TBRG4: variants seen among roughly 807,000 people sequenced by gnomAD.
The protein encoded by TBRG4 is transforming growth factor beta regulator 4, also known as FAST kinase domain-containing protein 4.
A neutral mutation model predicts 65.6 loss-of-function variants in TBRG4; 43 were observed. That is an observed-to-expected ratio of 0.66 (90% CI 0.51 to 0.85). The LOEUF (loss-of-function observed/expected upper bound fraction) is 0.85, where lower values mean the gene tolerates loss of function less well. Among genes scored for constraint, TBRG4 ranks in the 40% least tolerant of loss-of-function variants. The pLI, the probability that TBRG4 is intolerant of heterozygous loss-of-function variation, is 0.00. For missense variants in TBRG4, 709 were observed against 787.9 expected (o/e 0.90, Z 1.20); for synonymous variants, 366 against 341.4 (o/e 1.07, Z -0.79).
chr7:45,102,212 A>G (rs1446711322), intron 7 of TBRG4, 135 bp downstream of exon 7: 1 of 1,537,264 alleles, frequency 6.5e-7, no homozygotes. Context: ...TCTGCTGGCC[A>G]CCTACAGGGA....
chr7:45,106,729 T>G (rs1784969505), intron 2 of TBRG4: 1 of 152,264 alleles, frequency 6.6e-6, no homozygotes, highest in African/African-American at 2.4e-5. Context: ...TGAGCTGAGA[T>G]TGTGCCACTG....
chr7:45,104,432 G>C (rs772838348), intron 4 of TBRG4, 106 bp downstream of exon 4: 26 of 1,587,214 alleles, frequency 1.6e-5, no homozygotes, highest in Non-Finnish European at 2.0e-5. Context: ...GCAGCCTTCT[G>C]GGCCAGTGCC....
In TBRG4 at chr7:45,101,991, C is replaced by T. The variant is rs1784779091; in HGVS notation, c.1401G>A (p.Glu467=). Residue 467 remains glutamate, a synonymous_variant, in exon 8 of 11, where the codon GAG becomes GAA. Coordinates refer to ENST00000258770, the MANE Select transcript of TBRG4 (RefSeq NM_004749.4). ...AGGCAGGCAGAAGGGGACCCGAGTA[C>T]TCGGGGTACTCCAGCAGGGCAGTGG... is the stretch of plus-strand genomic sequence containing the variant. ...INATALLEYP[E]YSGPLLPASA... is the part of the protein sequence containing the mutation. The T allele has an allele frequency of 3.2e-6, 5 of 1,577,182 alleles. No homozygotes were observed. The highest frequency in any genetic ancestry group is 4.3e-6 in the Non-Finnish European group (5 of 1,164,352).
At chr7:45,108,004 G>C (rs1785013325) in intron 2 of TBRG4, among the ~76,000 whole-genome samples, 2 of 152,132 alleles carry the variant, frequency 1.3e-5, no homozygotes. Flanking sequence ...ATGAATTCTG[G>C]TATTTTTTAT....
intron 8 of TBRG4, 84 bp from the exon 9 acceptor site, chr7:45,101,698 T>C: frequency 2.5e-6 from 4 of 1,596,502 alleles, no homozygotes; most frequent in Middle Eastern, 2.2e-4. Flanking sequence ...AAGATGGGAC[T>C]GTGGGGAGCC....
chr7:45,100,522 C>T, intron 10 of TBRG4, 96 bp from the exon 11 acceptor site: 2 of 919,588 alleles, frequency 2.2e-6, no homozygotes. Flanking sequence ...ATTGACCCCT[C>T]ACCCAACACC....
Position 45,101,195 on chromosome 7 carries a change from C to G in TBRG4, c.1794+63G>C, listed in dbSNP as rs554196117. On this transcript the variant is annotated intron_variant, in intron 10 of 10. Coordinates refer to ENST00000258770, the MANE Select transcript of TBRG4 (RefSeq NM_004749.4). The stretch of plus-strand genomic sequence containing the variant: ...CCTGCTGGCTCAGTTCCACCTGATC[C>G]CCTCTCTAGCGTGGGTTGGGGATTC... 17 of 1,513,796 alleles carry G rather than the reference C, an allele frequency of 1.1e-5. No homozygotes were observed. In the African/African-American group the frequency reaches 1.9e-4, roughly 17 times the overall value. The allele number at this position is 1,513,796 out of a possible 1,614,324, so 93.8% of individuals were successfully genotyped here. A position where few individuals can be genotyped will look rare whatever the true frequency, so the allele number is the denominator to read the frequency against.
chr7:45,104,449 G>T, intron 4 of TBRG4, 89 bp downstream of exon 4: 1 of 1,596,272 alleles, frequency 6.3e-7, no homozygotes, highest in East Asian at 2.2e-5. Flanking sequence ...TGCCTACCAT[G>T]CATAGGACAG....
Position 45,102,503 on chromosome 7 carries a change from T to G in TBRG4, c.1177-12A>C, listed in dbSNP as rs111380755. Reference sequence around the variant, plus strand: ...AGCTTCTCATGTACCTGGGCAAGGATAGAGTGTGGTGGAGAAAGCAGGCTC... The same window carrying G: ...AGCTTCTCATGTACCTGGGCAAGGAGAGAGTGTGGTGGAGAAAGCAGGCTC... On this transcript the variant is annotated splice_polypyrimidine_tract_variant and intron_variant, in intron 6 of 10. Transcript: ENST00000258770. 1.9e-6 allele frequency: 3 copies of G among 1,606,070 alleles called. No homozygotes were observed. The South Asian group carries it at 3.3e-5, about 18-fold the overall frequency.
Position 45,110,538 on chromosome 7 carries a change from G to C in TBRG4, c.-51+1105C>G, listed in dbSNP as rs550293248. On this transcript the variant is annotated intron_variant, in intron 1 of 10. Transcript: ENST00000258770. ...AAAAATTAGCCGGGCGTGGTGGCGG[G>C]CACCTGTAGTCCCAGCTACTAGGGA... Among the ~76,000 whole-genome samples, 116 of 151,876 alleles carry C rather than the reference G, an allele frequency of 7.6e-4. 2 individuals are homozygous for C. In the South Asian group the frequency reaches 0.024, roughly 31 times the overall value.
chr7:45,101,249 G>A lies in TBRG4; in HGVS notation c.1794+9C>T. 1 of 1,611,234 alleles carries A rather than the reference G, an allele frequency of 6.2e-7. No individual in the cohort carries two copies. Among genetic ancestry groups the A allele is most frequent in the Non-Finnish European group, 8.5e-7 (1 of 1,178,318 alleles). On this transcript the variant is annotated intron_variant, in intron 10 of 10. Coordinates refer to ENST00000258770, the MANE Select transcript of TBRG4 (RefSeq NM_004749.4). The stretch of plus-strand genomic sequence containing the variant: ...CTGTGCAGTGACCACCTGCCCAAGA[G>A]GTACTCACGTCCACTATCAGGAAGC...
rs139677075 is a variant in TBRG4, at chr7:45,105,020, G to T, written c.736-311C>A. The T allele has an allele frequency of 1.1e-3, 834 of 726,088 alleles. 10 individuals are homozygous for T. The East Asian group carries it at 0.019, about 17-fold the overall frequency. The allele number at this position is 726,088 out of a possible 1,614,324, so 45.0% of individuals were successfully genotyped here. On this transcript the variant is annotated intron_variant, in intron 3 of 10. Transcript: ENST00000258770. ...CCAGCCCCCGCTATGACAGAAACGG[G>T]CACTGAATTTGACTTGACTGCAGGG...
chr7:45,106,870 C>G (rs938879920), intron 2 of TBRG4: 4 of 152,248 alleles, frequency 2.6e-5, no homozygotes, highest in African/African-American at 9.6e-5. Context: ...TCTAACAAAC[C>G]AATCTCGCAG....
chr7:45,105,772 G>A lies in TBRG4; in HGVS notation c.412-8C>T, dbSNP rs1403601251. The A allele has an allele frequency of 1.3e-6, 2 of 1,596,714 alleles. No individual in the cohort carries two copies. Among genetic ancestry groups the A allele is most frequent in the Non-Finnish European group, 8.5e-7 (1 of 1,169,644 alleles). Reference sequence around the variant, plus strand: ...ATGCCAGACCGAGGCAATCTAGGCAGAGAAAGGACACAGGAGAAATGATGT... The same window carrying A: ...ATGCCAGACCGAGGCAATCTAGGCAAAGAAAGGACACAGGAGAAATGATGT... On this transcript the variant is annotated splice_polypyrimidine_tract_variant and splice_region_variant and intron_variant, in intron 2 of 10. Coordinates refer to ENST00000258770, the MANE Select transcript of TBRG4 (RefSeq NM_004749.4).
Position 45,104,226 on chromosome 7 carries a change from G to A in TBRG4, c.938C>T (p.Ser313Phe), listed in dbSNP as rs1584028437. The A allele has an allele frequency of 1.9e-6, 3 of 1,614,118 alleles. No homozygotes were observed. The East Asian group carries it at 6.7e-5, about 36-fold the overall frequency. ...TAGCAGGTCGGTGGCCAGGCGCTGG[G>A]ACACCTGGGTCTGGTGAAAGCTGAG... ...GKLSFHQTQV[S>F]QRLATDLLSL... Residue 313 changes from serine (S) to phenylalanine (F), a missense_variant, in exon 5 of 11, where the codon TCC (serine) becomes TTC (phenylalanine). Coordinates refer to ENST00000258770, the MANE Select transcript of TBRG4 (RefSeq NM_004749.4).
intron 1 of TBRG4, 49 bp downstream of exon 1, chr7:45,111,594 C>G (rs1352373337): frequency 3.0e-5 from 39 of 1,289,412 alleles, no homozygotes; most frequent in Non-Finnish European, 3.9e-5. Flanking sequence ...GTGTTGTGCA[C>G]TCGAAACCCA....
chr7:45,104,055 C>G, intron 5 of TBRG4, 44 bp downstream of exon 5: 1 of 1,530,794 alleles, frequency 6.5e-7, no homozygotes, highest in Non-Finnish European at 8.8e-7. Context: ...CAGCAGATGG[C>G]CAGGAAGCCA....
chr7:45,105,282 G>T (rs924587412), intron 3 of TBRG4, 159 bp downstream of exon 3: 3 of 799,160 alleles, frequency 3.8e-6, no homozygotes, highest in Non-Finnish European at 3.9e-6. Context: ...CGAGCCCTCT[G>T]GTCCTGCCCC....
intron 2 of TBRG4, 138 bp from the exon 3 acceptor site, chr7:45,105,902 A>C: frequency 9.1e-7 from 1 of 1,094,046 alleles, no homozygotes; most frequent in Non-Finnish European, 1.4e-6. Flanking sequence ...TCCCCACTCC[A>C]TTGTAACAGG....
Sources: gnomAD v4.1 joint callset for allele counts (sites outside exome capture counted in the v4.1 genomes callset) on GRCh38, gnomAD v4.1.1 for gene constraint, MANE v1.5 for transcripts, NCBI Gene and HGNC (gene_info 2026-07-23, HGNC 2026-07-21) for gene names.